TNR: variants seen among roughly 807,000 people sequenced by gnomAD.
TNR encodes the protein tenascin R.
TNR carries 45 observed loss-of-function variants against 150.4 expected under a neutral mutation model. The observed-to-expected ratio is 0.30, with a 90% CI of 0.24 to 0.38. TNR has a LOEUF of 0.38. Among genes scored for constraint, TNR ranks in the 10% least tolerant of loss-of-function variants. TNR has a pLI of 1.00. For missense variants in TNR, 1,544 were observed against 1,759.1 expected (o/e 0.88, Z 2.19); for synonymous variants, 687 against 678.4 (o/e 1.01, Z -0.20).
At chr1:175,500,597 C>T (rs1309603867) in intron 2 of TNR, among the ~76,000 whole-genome samples, 2 of 152,186 alleles carry the variant, frequency 1.3e-5, no homozygotes, top group African/African-American at 4.8e-5. Flanking sequence ...CACGACTCAG[C>T]TAGAGTTTTG....
At chr1:175,669,067 C>T (rs1665614814) in intron 1 of TNR, among the ~76,000 whole-genome samples, 1 of 152,216 alleles carries the variant, frequency 6.6e-6, no homozygotes, top group Non-Finnish European at 1.5e-5. Context: ...AGGCCCTCCT[C>T]CTTTGTCAGA....
At chr1:175,379,848 C>CT in intron 8 of TNR, 111 bp from the exon 9 acceptor site, 2 of 1,234,532 alleles carry the variant, frequency 1.6e-6, no homozygotes, top group East Asian at 2.5e-5. Flanking sequence ...CCCTGACCCT[C>CT]TGGCTCACAT....
chr1:175,697,686 C>A (rs1046229132), intron 1 of TNR, among the ~76,000 whole-genome samples: 9 of 152,208 alleles, frequency 5.9e-5, no homozygotes, highest in Non-Finnish European at 1.0e-4. Flanking sequence ...CTGCAAGGAG[C>A]AAATGGTGGC....
chr1:175,562,016 A>C (rs1457827510), intron 1 of TNR, among the ~76,000 whole-genome samples: 2 of 152,166 alleles, frequency 1.3e-5, no homozygotes, highest in Admixed American at 6.5e-5. Context: ...GAAAAATTAC[A>C]TGACTTCCTG....
chr1:175,470,715 C>G (rs1657250348), intron 2 of TNR, among the ~76,000 whole-genome samples: 1 of 152,162 alleles, frequency 6.6e-6, no homozygotes, highest in South Asian at 2.1e-4. Flanking sequence ...CTATAGTCAT[C>G]CTATTGTGCT....
chr1:175,500,512 C>G (rs746387392), intron 2 of TNR, among the ~76,000 whole-genome samples: 1 of 152,156 alleles, frequency 6.6e-6, no homozygotes, highest in Non-Finnish European at 1.5e-5. Flanking sequence ...GCTGTGCGGG[C>G]AGGGAAAACC....
intron 1 of TNR, among the ~76,000 whole-genome samples, chr1:175,560,494 G>A (rs777711565): frequency 6.6e-5 from 10 of 152,202 alleles, no homozygotes; most frequent in African/African-American, 9.7e-5. Context: ...CCATATTGGC[G>A]GTATTTAGCT....
chr1:175,362,694 T>C lies in TNR; in HGVS notation c.2823A>G (p.Glu941=). The C allele has an allele frequency of 6.2e-7, 1 of 1,614,126 alleles. No homozygotes were observed. Among genetic ancestry groups the C allele is most frequent in the Non-Finnish European group, 8.5e-7 (1 of 1,179,980 alleles). The part of the protein sequence containing the change: ...ISLNSVRGRE[E]SERICTLVHT... ...GCACAAGAGTACAGATGCGCTCGCT[T>C]TCCTCCCTGCCCCGCACGCTGTTGA... Residue 941 remains glutamate (E), a synonymous_variant, in exon 14 of 23, where the codon GAA becomes GAG. Transcript: ENST00000367674.
chr1:175,432,337 T>C (rs562747199), intron 2 of TNR, among the ~76,000 whole-genome samples: 1 of 152,234 alleles, frequency 6.6e-6, no homozygotes, highest in South Asian at 2.1e-4. Context: ...CTGGAACAAC[T>C]GTGGTTAGAA....
intron 2 of TNR, among the ~76,000 whole-genome samples, chr1:175,484,738 C>T (rs1273378381): frequency 6.6e-6 from 1 of 152,156 alleles, no homozygotes; most frequent in Non-Finnish European, 1.5e-5. Context: ...GGTACTGATG[C>T]TATTTCAGCA....
chr1:175,569,983 G>T (rs1195235082), intron 1 of TNR, among the ~76,000 whole-genome samples: 1 of 152,120 alleles, frequency 6.6e-6, no homozygotes, highest in African/African-American at 2.4e-5. Context: ...AGTCAATATG[G>T]TTAGCTGGCG....
chr1:175,316,783 A>C lies in TNR; in HGVS notation c.*6574T>G, dbSNP rs1223206165. 1 of 152,184 alleles carries C rather than the reference A, an allele frequency of 6.6e-6. No homozygotes were observed. Among genetic ancestry groups the C allele is most frequent in the East Asian group, 1.9e-4 (1 of 5,196 alleles). 9.4% of individuals were successfully genotyped at this position (152,184 alleles called of 1,614,324 possible). A position where few individuals can be genotyped will look rare whatever the true frequency, so the allele number is the denominator to read the frequency against. On this transcript the variant is annotated 3_prime_UTR_variant, in exon 23 of 23. Coordinates refer to ENST00000367674, the MANE Select transcript of TNR (RefSeq NM_003285.3). ...GTCTACCAAATTTAAAAAGAAAGAA[A>C]AGGAAAGAGATGTCAGAATGTTTCT...
chr1:175,405,986 A>G (rs1401235045), intron 3 of TNR, among the ~76,000 whole-genome samples: 1 of 152,186 alleles, frequency 6.6e-6, no homozygotes, highest in Admixed American at 6.5e-5. Flanking sequence ...AGTGTAGAAA[A>G]TCCCTGAACT....
At chr1:175,635,807 A>G (rs949721375) in intron 1 of TNR, among the ~76,000 whole-genome samples, 5 of 152,230 alleles carry the variant, frequency 3.3e-5, no homozygotes, top group Non-Finnish European at 5.9e-5. Flanking sequence ...ATTACAGAGA[A>G]GAGAGTTAGC....
intron 2 of TNR, among the ~76,000 whole-genome samples, chr1:175,509,631 G>A (rs1324007279): frequency 6.6e-6 from 1 of 152,122 alleles, no homozygotes; most frequent in East Asian, 1.9e-4. Flanking sequence ...TGGCAGAGAG[G>A]ACAGTCTTCC....
Position 175,640,484 on chromosome 1 carries a change from G to A in TNR, c.-165+102742C>T, listed in dbSNP as rs992820818. The stretch of plus-strand genomic sequence containing the variant: ...TTGGCAGACATTTGATTTAAAGCTT[G>A]CCTGTCCAATTAGTTCAGAATCTTT... On this transcript the variant is annotated intron_variant, in intron 1 of 22. Transcript: ENST00000367674. Among the ~76,000 whole-genome samples the A allele has an allele frequency of 1.3e-4, 20 of 152,156 alleles. 1 individual carries two copies. Among genetic ancestry groups the A allele is most frequent in the Admixed American group, 1.3e-3 (20 of 15,278 alleles).
In TNR at chr1:175,315,355, T is replaced by A. The variant is rs1214662963; in HGVS notation, c.*8002A>T. The A allele has an allele frequency of 1.3e-5, 2 of 152,192 alleles. No homozygotes were observed. The highest frequency in any genetic ancestry group is 3.9e-4 in the East Asian group (2 of 5,194). The allele number at this position is 152,192 out of a possible 1,614,324, so 9.4% of individuals were successfully genotyped here. ...GCCATGAAAGGATCAGAGAAGTTGG[T>A]TTTTCCTCTCCCTTCCTCTGTACAT... On this transcript the variant is annotated 3_prime_UTR_variant, in exon 23 of 23. Coordinates refer to ENST00000367674, the MANE Select transcript of TNR (RefSeq NM_003285.3).
chr1:175,354,212 C>A (rs1286542654), intron 18 of TNR, among the ~76,000 whole-genome samples, 179 bp downstream of exon 18: 1 of 152,134 alleles, frequency 6.6e-6, no homozygotes, highest in Admixed American at 6.5e-5. Flanking sequence ...ACTGCTGGTT[C>A]CTGCGGTTAC....
At chr1:175,620,707 T>C (rs1455334451) in intron 1 of TNR, among the ~76,000 whole-genome samples, 1 of 152,194 alleles carries the variant, frequency 6.6e-6, no homozygotes, top group African/African-American at 2.4e-5. Context: ...CCAGTCATGC[T>C]GTGCACTGGG....
Sources: gnomAD v4.1 joint callset for allele counts (sites outside exome capture counted in the v4.1 genomes callset) on GRCh38, gnomAD v4.1.1 for gene constraint, MANE v1.5 for transcripts, NCBI Gene and HGNC (gene_info 2026-07-23, HGNC 2026-07-21) for gene names.